The following ITGA5 variants were observed in gnomAD, a reference collection of about 807,000 sequenced individuals.
ITGA5 encodes integrin alpha-5.
ITGA5 carries 55 observed loss-of-function variants against 146.3 expected under a neutral mutation model. The ratio of observed to expected loss-of-function variants is 0.38; its 90% confidence interval spans 0.30 to 0.47. The LOEUF is 0.47. Among genes scored for constraint, ITGA5 ranks in the 20% least tolerant of loss-of-function variants. The pLI, the probability that ITGA5 is intolerant of heterozygous loss-of-function variation, is 0.99. For missense variants in ITGA5, 1,131 were observed against 1,329.0 expected, an observed-to-expected ratio of 0.85 and a Z score of 2.32; for synonymous variants, 500 against 531.8, an observed-to-expected ratio of 0.94 and a Z score of 0.82.
chr12:54,408,962 G>T lies in ITGA5; in HGVS notation c.584-8C>A. Reference sequence around the variant, plus strand: ...CTGCTGCCCAGCTGAAATCTGTGAGGGGAGAAGGTGGTGAAAATGAGCCCT... The same window carrying T: ...CTGCTGCCCAGCTGAAATCTGTGAGTGGAGAAGGTGGTGAAAATGAGCCCT... On this transcript the variant is annotated splice_polypyrimidine_tract_variant and splice_region_variant and intron_variant, in intron 4 of 29. Coordinates refer to ENST00000293379, the MANE Select transcript of ITGA5 (RefSeq NM_002205.5). 2 of 1,613,822 alleles carry T rather than the reference G, an allele frequency of 1.2e-6. No individual in the cohort carries two copies. Among genetic ancestry groups the T allele is most frequent in the Middle Eastern group, 1.6e-4 (1 of 6,062 alleles).
At position 54,411,968 on chromosome 12, in the gene ITGA5, T is replaced by TC. The variant is rs113127455; in HGVS notation, c.219-5_219-4insG. On this transcript the variant is annotated splice_region_variant and splice_polypyrimidine_tract_variant and intron_variant, in intron 1 of 29. Transcript: ENST00000293379. ...TGCTCCCACCAGCACACTGACCCTGTGGGGGGGAAAAGCGAGGCAGTTGAG... is the reference window on the plus strand; with the variant it reads ...TGCTCCCACCAGCACACTGACCCTGTCGGGGGGGAAAAGCGAGGCAGTTGAG... 1.9e-6 allele frequency: 3 copies of TC among 1,579,010 alleles called. No homozygotes were observed.
chr12:54,401,144 T>C lies in ITGA5; in HGVS notation c.2494-149A>G. ...GAAGCAATGGGCAGAGGTGAAATCC[T>C]CTCTAGCCAACACTTTTGGAGGGGG... On this transcript the variant is annotated intron_variant, in intron 24 of 29. Transcript: ENST00000293379. The surrounding 1 kb of genome is among the most constrained non-coding windows in gnomAD (Gnocchi z 5.0). 1 of 893,872 alleles carries C rather than the reference T, an allele frequency of 1.1e-6. No individual in the cohort carries two copies. The highest frequency in any genetic ancestry group is 1.7e-5 in the South Asian group (1 of 58,396). 55.4% of individuals were successfully genotyped at this position (893,872 alleles called of 1,614,324 possible). A position where few individuals can be genotyped will look rare whatever the true frequency, so the allele number is the denominator to read the frequency against.
At chr12:54,415,952 C>T (rs188970699) in intron 1 of ITGA5, among the ~76,000 whole-genome samples, 110 of 152,334 alleles carry the variant, frequency 7.2e-4, no homozygotes, top group Non-Finnish European at 1.4e-3. Context: ...TCTCTTCAAG[C>T]TTTGGATTCT....
chr12:54,398,965 A>C, intron 27 of ITGA5: 1 of 344,274 alleles, frequency 2.9e-6, no homozygotes, highest in South Asian at 4.8e-5. Context: ...TCAGCCTCCC[A>C]AGTAGCTGAG....
chr12:54,411,239 G>T (rs1293769411), intron 2 of ITGA5, among the ~76,000 whole-genome samples: 2 of 152,240 alleles, frequency 1.3e-5, no homozygotes, highest in Non-Finnish European at 2.9e-5. Context: ...TATAACCTTG[G>T]ATAAGCTACT....
At position 54,401,225 on chromosome 12, in the gene ITGA5, CA is replaced by C; in HGVS notation, c.2493+147del. ...GCCTGTCTCTCCTCTGGCTGTTTCT[CA>C]CAGGACTCTGCCTCATGCCTTTGCA... is the stretch of plus-strand genomic sequence containing the variant. On this transcript the variant is annotated intron_variant, in intron 24 of 29. Coordinates refer to ENST00000293379, the MANE Select transcript of ITGA5 (RefSeq NM_002205.5). This position sits in a 1 kb window ranked among gnomAD's most constrained non-coding sequence, Gnocchi z 5.0. The C allele has an allele frequency of 1.3e-6, 1 of 786,992 alleles. No homozygotes were observed. Among genetic ancestry groups the C allele is most frequent in the Non-Finnish European group, 2.2e-6 (1 of 462,172 alleles). The allele number at this position is 786,992 out of a possible 1,614,324, so 48.8% of individuals were successfully genotyped here. A position where few individuals can be genotyped will look rare whatever the true frequency, so the allele number is the denominator to read the frequency against.
rs372935344 is a variant in ITGA5 at position 54,407,566 on chromosome 12, T to C, written c.906+83A>G. On this transcript the variant is annotated intron_variant, in intron 9 of 29. Coordinates refer to ENST00000293379, the MANE Select transcript of ITGA5 (RefSeq NM_002205.5). ...AGAGCCCATGTTCTGATCCACCTTTTTGAGCCCTTGCAAACTGCCATGCAC... is the reference window on the plus strand; with the variant it reads ...AGAGCCCATGTTCTGATCCACCTTTCTGAGCCCTTGCAAACTGCCATGCAC... 4.1e-5 allele frequency: 48 copies of C among 1,176,664 alleles called. No individual in the cohort carries two copies. The African/African-American group carries it at 5.4e-4, about 13-fold the overall frequency. 72.9% of individuals were successfully genotyped at this position (1,176,664 alleles called of 1,614,324 possible).
chr12:54,404,086 T>C, intron 15 of ITGA5, 59 bp downstream of exon 15: 1 of 1,561,894 alleles, frequency 6.4e-7, no homozygotes, highest in Non-Finnish European at 8.8e-7. Context: ...TAAGGCAGAC[T>C]TGGTGCCCCT....
At chr12:54,407,806 T>A (rs1387404993) in intron 8 of ITGA5, 26 bp downstream of exon 8, 6 of 1,610,000 alleles carry the variant, frequency 3.7e-6, no homozygotes, top group Non-Finnish European at 5.1e-6. Flanking sequence ...CCCCCTCCCT[T>A]GGCCCCAGCC....
chr12:54,395,977 A>G lies in ITGA5; in HGVS notation c.*316T>C. 3.8e-6 allele frequency: 1 copy of G among 261,644 alleles called. No individual in the cohort carries two copies. The highest frequency in any genetic ancestry group is 5.7e-5 in the South Asian group (1 of 17,644). The allele number at this position is 261,644 out of a possible 1,614,324, so 16.2% of individuals were successfully genotyped here. On this transcript the variant is annotated 3_prime_UTR_variant, in exon 30 of 30. Transcript: ENST00000293379. ...AGAACTGTGAATGGATTTCCTAGTT[A>G]TCTTTCCAAGTTGTTTCAGGAAACT...
chr12:54,402,478 C>T (rs866299636), intron 19 of ITGA5, 148 bp from the exon 20 acceptor site: 9 of 645,040 alleles, frequency 1.4e-5, no homozygotes, highest in Middle Eastern at 3.2e-4. Context: ...GGGTGGATCA[C>T]GAGGTCAGGA....
In ITGA5 at chr12:54,411,982, G is replaced by A; in HGVS notation, c.219-18C>T. The A allele has an allele frequency of 6.4e-7, 1 of 1,552,578 alleles. No homozygotes were observed. Among genetic ancestry groups the A allele is most frequent in the East Asian group, 2.4e-5 (1 of 42,300 alleles). On this transcript the variant is annotated intron_variant, in intron 1 of 29. Coordinates refer to ENST00000293379, the MANE Select transcript of ITGA5 (RefSeq NM_002205.5). ...CACTGACCCTGTGGGGGGGAAAAGC[G>A]AGGCAGTTGAGGATGGCTCCTAGCT...
intron 6 of ITGA5, among the ~76,000 whole-genome samples, 178 bp from the exon 7 acceptor site, chr12:54,408,413 A>G (rs562931366): frequency 1.3e-5 from 2 of 152,178 alleles, no homozygotes; most frequent in East Asian, 3.9e-4. Flanking sequence ...GTGGGAGGCT[A>G]TGTGCCAGGG....
Position 54,401,924 on chromosome 12 carries a change from G to T in ITGA5, c.2227-69C>A. On this transcript the variant is annotated intron_variant, in intron 21 of 29. Coordinates refer to ENST00000293379, the MANE Select transcript of ITGA5 (RefSeq NM_002205.5). The surrounding 1 kb of genome is among the most constrained non-coding windows in gnomAD (Gnocchi z 5.0). ...TTTCACCCTCCCTCCGCACCTCACA[G>T]CTGTGCTCTCGGCTGGCTGGTTACC... The T allele has an allele frequency of 6.3e-7, 1 of 1,595,392 alleles. No individual in the cohort carries two copies.
rs746631100 is a variant in ITGA5 at position 54,408,136 on chromosome 12, C to T, written c.791G>A (p.Ser264Asn). The T allele has an allele frequency of 6.2e-7, 1 of 1,614,172 alleles. No homozygotes were observed. The highest frequency in any genetic ancestry group is 2.2e-5 in the East Asian group (1 of 44,882). The change falls in exon 7 of 30, where the codon AGT (serine) becomes AAT (asparagine). Residue 264 changes from serine to asparagine, a missense_variant. Physicochemically the swap from Ser to Asn is conservative, Grantham distance 46. Coordinates refer to ENST00000293379, the MANE Select transcript of ITGA5 (RefSeq NM_002205.5). ...TAGGTAGCTGTCATCATAGATGGAA[C>T]TGGCCTGGCGAGTCTGCAGCTGCCC... ...VQGQLQTRQA[S>N]SIYDDSYLGY...
rs1160993168 is a variant in ITGA5, at chr12:54,400,854, C to T, written c.2635G>A (p.Gly879Ser). Residue 879 changes from glycine (G) to serine (S), a missense_variant, in exon 25 of 30, where the codon GGC becomes AGC. By Grantham distance (56) the Gly-to-Ser change is moderately conservative. This residue lies in a region of ITGA5 where 889 missense variants were observed against 1,021.5 expected (regional missense o/e 0.87). Transcript: ENST00000293379. ...AGTGTTCAGGATCTCACCTCCAGGC[C>T]CTTTGGGTTAATGGGGTGATTGGTG... ...CTTNHPINPKGLELDPEGSLH... is the reference protein window; with the variant it reads ...CTTNHPINPKSLELDPEGSLH... The T allele has an allele frequency of 1.2e-6, 2 of 1,613,904 alleles. No individual in the cohort carries two copies. Among genetic ancestry groups the T allele is most frequent in the South Asian group, 1.1e-5 (1 of 91,048 alleles).
At chr12:54,397,759 C>T (rs1330949516) in intron 28 of ITGA5, among the ~76,000 whole-genome samples, 1 of 152,166 alleles carries the variant, frequency 6.6e-6, no homozygotes, top group Non-Finnish European at 1.5e-5. Context: ...CCTGGATCTG[C>T]CTGGATTAGG....
chr12:54,411,160 C>T (rs11170893), intron 2 of ITGA5, among the ~76,000 whole-genome samples: 4,003 of 152,314 alleles, frequency 0.026, 122 homozygotes, highest in South Asian at 0.087. Context: ...CCGTGCCCAG[C>T]CTGTCCAGTT....
At chr12:54,404,580 C>T (rs1270557103) in intron 13 of ITGA5, 105 bp from the exon 14 acceptor site, 2 of 1,500,592 alleles carry the variant, frequency 1.3e-6, no homozygotes, top group Non-Finnish European at 1.9e-6. Flanking sequence ...AGTGAGAAGA[C>T]AGCGCCCTCT....
Sources: gnomAD v4.1 joint callset for allele counts (sites outside exome capture counted in the v4.1 genomes callset) on GRCh38, gnomAD v4.1.1 for gene constraint, gnomAD v4.1.1 regional missense constraint, Gnocchi (gnomAD v3.1) non-coding constraint, MANE v1.5 for transcripts, NCBI Gene and HGNC (gene_info 2026-07-23, HGNC 2026-07-21) for gene names.